The following ELAVL3 variants were observed in gnomAD, a reference collection of about 807,000 sequenced individuals.
ELAVL3 encodes ELAV like RNA binding protein 3.
ELAVL3 carries 8 observed loss-of-function variants against 34.2 expected under a neutral mutation model. The ratio of observed to expected loss-of-function variants is 0.23; its 90% CI spans 0.14 to 0.42. The LOEUF is 0.42. Ranked by LOEUF, ELAVL3 falls within the 10% of genes least tolerant of loss-of-function variation. ELAVL3 has a pLI of 1.00. For missense variants in ELAVL3, 273 were observed against 518.8 expected, an observed-to-expected ratio of 0.53 and a Z score of 4.60; for synonymous variants, 209 against 222.1, an observed-to-expected ratio of 0.94 and a Z score of 0.53.
At chr19:11,479,238 GA>G (rs1343340708) in intron 1 of ELAVL3, among the ~76,000 whole-genome samples, 1 of 152,174 alleles carries the variant, frequency 6.6e-6, no homozygotes, top group East Asian at 1.9e-4. Context: ...CCCAGAGAGG[GA>G]AAGGAACGGC....
intron 1 of ELAVL3, among the ~76,000 whole-genome samples, chr19:11,472,742 GGAGAAC>G (rs1317234572): frequency 6.6e-6 from 1 of 151,508 alleles, no homozygotes; most frequent in Non-Finnish European, 1.5e-5. Flanking sequence ...AGAGGGAGAG[GGAGAAC>G]GAGAAGGAGA....
chr19:11,457,958 C>T (rs1254315278), intron 5 of ELAVL3, 103 bp downstream of exon 5: 15 of 1,266,146 alleles, frequency 1.2e-5, no homozygotes, highest in African/African-American at 2.9e-5. Context: ...CCCATGTGTG[C>T]GCACCCTCCC....
At chr19:11,472,087 G>A (rs1334231878) in intron 1 of ELAVL3, among the ~76,000 whole-genome samples, 1 of 152,202 alleles carries the variant, frequency 6.6e-6, no homozygotes, top group Non-Finnish European at 1.5e-5. Context: ...GGTCACGGCT[G>A]TAATCCCAGC....
intron 1 of ELAVL3, among the ~76,000 whole-genome samples, chr19:11,469,832 C>T (rs373803436): frequency 3.4e-3 from 514 of 152,130 alleles, no homozygotes; most frequent in Non-Finnish European, 6.1e-3. Context: ...CCAAGGTGGA[C>T]GGATTGCTTG....
intron 1 of ELAVL3, among the ~76,000 whole-genome samples, chr19:11,475,907 G>A (rs781217452): frequency 3.9e-5 from 6 of 152,070 alleles, no homozygotes; most frequent in African/African-American, 9.7e-5. Context: ...AAGCCACCAC[G>A]CCTGGCCCAT....
chr19:11,464,154 T>TCTCG (rs1970957190), intron 3 of ELAVL3, among the ~76,000 whole-genome samples: 1 of 107,700 alleles, frequency 9.3e-6, no homozygotes, highest in African/African-American at 5.2e-5. Flanking sequence ...TCTCTCTCTA[T>TCTCG]ATATATATAT....
At chr19:11,479,975 G>A (rs1971342705) in intron 1 of ELAVL3, among the ~76,000 whole-genome samples, 1 of 150,576 alleles carries the variant, frequency 6.6e-6, no homozygotes, top group African/African-American at 2.4e-5. Flanking sequence ...GCAGCCCGAG[G>A]CGCCCGCGCG....
Position 11,456,259 on chromosome 19 carries a change from C to T in ELAVL3, c.752+851G>A, listed in dbSNP as rs140075996. The stretch of plus-strand genomic sequence containing the variant: ...AGCTGGGATTACAGGCGCCTGCCAC[C>T]GTGCCCAGCTAAATTTTTGTATTTT... On this transcript the variant is annotated intron_variant, in intron 6 of 6. Transcript: ENST00000359227. Among the ~76,000 whole-genome samples, 348 of 151,994 alleles carry T rather than the reference C, an allele frequency of 2.3e-3. 1 individual carries two copies. The highest frequency in any genetic ancestry group is 7.9e-3 in the African/African-American group (328 of 41,454).
chr19:11,462,487 A>G (rs1970908427), intron 3 of ELAVL3, among the ~76,000 whole-genome samples: 1 of 151,254 alleles, frequency 6.6e-6, no homozygotes, highest in Admixed American at 6.6e-5. Context: ...AAATGCAAAA[A>G]TTAGCCGGGC....
chr19:11,468,051 A>G (rs1295635557), intron 1 of ELAVL3, among the ~76,000 whole-genome samples: 1 of 152,146 alleles, frequency 6.6e-6, no homozygotes, highest in Non-Finnish European at 1.5e-5. Flanking sequence ...TGGCCTCCCA[A>G]AGTGCTGGGA....
Position 11,452,178 on chromosome 19 carries a change from G to T in ELAVL3, c.*2348C>A, listed in dbSNP as rs775751854. 2.0e-5 allele frequency: 3 copies of T among 152,204 alleles called. No homozygotes were observed. Among genetic ancestry groups the T allele is most frequent in the Non-Finnish European group, 4.4e-5 (3 of 68,044 alleles). 9.4% of individuals were successfully genotyped at this position (152,204 alleles called of 1,614,324 possible). On this transcript the variant is annotated 3_prime_UTR_variant, in exon 7 of 7. Coordinates refer to ENST00000359227, the MANE Select transcript of ELAVL3 (RefSeq NM_001420.4). ...GTGGGGACTGTCCCGCAGAGCACAC[G>T]CCCCCGCGTGCCACTCGGCTACCAT...
At position 11,480,734 on chromosome 19, in the gene ELAVL3, G is replaced by A; in HGVS notation, c.-126C>T. The A allele has an allele frequency of 2.1e-6, 2 of 955,132 alleles. No homozygotes were observed. Among genetic ancestry groups the A allele is most frequent in the Non-Finnish European group, 2.9e-6 (2 of 697,548 alleles). The allele number at this position is 955,132 out of a possible 1,614,324, so 59.2% of individuals were successfully genotyped here. ...GGCCTCTGGTGCGGCCGCTGCAGAT[G>A]TGGCGATGAAGGCGGCGGCTCCCTC... On this transcript the variant is annotated 5_prime_UTR_variant, in exon 1 of 7. Coordinates refer to ENST00000359227, the MANE Select transcript of ELAVL3 (RefSeq NM_001420.4). The surrounding 1 kb of genome is among the most constrained non-coding windows in gnomAD (Gnocchi z 6.8).
rs1460127024 is a variant in ELAVL3, at chr19:11,480,915, G to T, written c.-307C>A. The stretch of plus-strand genomic sequence containing the variant: ...GGGGCCCGGGGAGGTTGCGCTTCCC[G>T]ACAGAGATCGCGGCGCTCTGCCTTT... On this transcript the variant is annotated 5_prime_UTR_variant, in exon 1 of 7. Transcript: ENST00000359227. This position sits in a 1 kb window ranked among gnomAD's most constrained non-coding sequence, Gnocchi z 6.8. 9.3e-6 allele frequency: 3 copies of T among 320,968 alleles called. No homozygotes were observed. Among genetic ancestry groups the T allele is most frequent in the Non-Finnish European group, 1.7e-5 (3 of 176,088 alleles). The allele number at this position is 320,968 out of a possible 1,614,324, so 19.9% of individuals were successfully genotyped here.
intron 3 of ELAVL3, among the ~76,000 whole-genome samples, chr19:11,465,694 C>G (rs963925322): frequency 3.3e-5 from 5 of 152,160 alleles, no homozygotes; most frequent in Admixed American, 6.5e-5. Context: ...ACGATTCCCC[C>G]CCAGGGAACC....
chr19:11,478,231 C>T (rs1030976742), intron 1 of ELAVL3, among the ~76,000 whole-genome samples: 1 of 152,166 alleles, frequency 6.6e-6, no homozygotes, highest in African/African-American at 2.4e-5. Context: ...GTGTCCCCAA[C>T]CTGAGCAGAG....
intron 1 of ELAVL3, among the ~76,000 whole-genome samples, chr19:11,467,627 GT>G (rs1971081509): frequency 6.6e-6 from 1 of 151,324 alleles, no homozygotes; most frequent in Non-Finnish European, 1.5e-5. Context: ...GGGATTACAG[GT>G]GCATGCCACT....
intron 3 of ELAVL3, among the ~76,000 whole-genome samples, chr19:11,462,475 A>G (rs556335633): frequency 6.6e-6 from 1 of 151,028 alleles, no homozygotes; most frequent in South Asian, 2.1e-4. Context: ...CGTCTCTACT[A>G]AAAATGCAAA....
chr19:11,480,724 C>T lies in ELAVL3; in HGVS notation c.-116G>A. 1 of 1,046,978 alleles carries T rather than the reference C, an allele frequency of 9.6e-7. No homozygotes were observed. Among genetic ancestry groups the T allele is most frequent in the Non-Finnish European group, 1.3e-6 (1 of 775,830 alleles). The allele number at this position is 1,046,978 out of a possible 1,614,324, so 64.9% of individuals were successfully genotyped here. A position where few individuals can be genotyped will look rare whatever the true frequency, so the allele number is the denominator to read the frequency against. On this transcript the variant is annotated 5_prime_UTR_variant, in exon 1 of 7. Transcript: ENST00000359227. This position sits in a 1 kb window ranked among gnomAD's most constrained non-coding sequence, Gnocchi z 6.8. ...CCGCCCGGGCGGCCTCTGGTGCGGC[C>T]GCTGCAGATGTGGCGATGAAGGCGG...
Position 11,454,103 on chromosome 19 carries a change from C to A in ELAVL3, c.*423G>T. 6.1e-6 allele frequency: 1 copy of A among 163,252 alleles called. No homozygotes were observed. The highest frequency in any genetic ancestry group is 1.3e-5 in the Non-Finnish European group (1 of 74,616). 10.1% of individuals were successfully genotyped at this position (163,252 alleles called of 1,614,324 possible). ...AAACCTGTTCCTCCTACCCCAGGCC[C>A]CACCTAGGTGCTGGGGAGGCCTGGG... On this transcript the variant is annotated 3_prime_UTR_variant, in exon 7 of 7. Coordinates refer to ENST00000359227, the MANE Select transcript of ELAVL3 (RefSeq NM_001420.4). The surrounding 1 kb of genome is among the most constrained non-coding windows in gnomAD (Gnocchi z 9.2).
Sources: gnomAD v4.1 joint callset for allele counts (sites outside exome capture counted in the v4.1 genomes callset) on GRCh38, gnomAD v4.1.1 for gene constraint, Gnocchi (gnomAD v3.1) non-coding constraint, MANE v1.5 for transcripts, NCBI Gene and HGNC (gene_info 2026-07-23, HGNC 2026-07-21) for gene names.